Variants in VAV2 observed in about 807,000 individuals in gnomAD.
The protein encoded by VAV2 is vav guanine nucleotide exchange factor 2.
A neutral mutation model predicts 132.5 loss-of-function variants in VAV2; 67 were observed. That is an observed-to-expected ratio of 0.51 (90% CI 0.42 to 0.62). VAV2 has a LOEUF of 0.62. Ranked by LOEUF, VAV2 falls within the 20% of genes least tolerant of loss-of-function variation. The probability of loss-of-function intolerance (pLI) is 0.00; values close to 1 mark genes in which losing one functional copy is unlikely to be tolerated. For missense variants in VAV2, 938 were observed against 1,153.6 expected, an observed-to-expected ratio of 0.81 and a Z score of 2.71; for synonymous variants, 492 against 443.5, an observed-to-expected ratio of 1.11 and a Z score of -1.37.
intron 3 of VAV2, among the ~76,000 whole-genome samples, chr9:133,848,237 G>C (rs1432407833): frequency 5.2e-5 from 7 of 133,774 alleles, no homozygotes; most frequent in Admixed American, 4.4e-4. Flanking sequence ...CCGAGATCGC[G>C]CCATTGCACT....
At chr9:133,904,134 A>G (rs1839548865) in intron 2 of VAV2, among the ~76,000 whole-genome samples, 1 of 152,192 alleles carries the variant, frequency 6.6e-6, no homozygotes, top group African/African-American at 2.4e-5. Context: ...ATCACAGATG[A>G]GCGAATGGGG....
At chr9:133,913,249 C>T (rs568346700) in intron 2 of VAV2, among the ~76,000 whole-genome samples, 13 of 152,328 alleles carry the variant, frequency 8.5e-5, no homozygotes, top group Middle Eastern at 3.4e-3. Flanking sequence ...GCTGGCGCCA[C>T]GGCCCCCATG....
At chr9:133,780,140 C>G (rs1833957371) in intron 20 of VAV2, 3 of 654,440 alleles carry the variant, frequency 4.6e-6, no homozygotes, top group Non-Finnish European at 5.1e-6. Context: ...CACCTCCACT[C>G]CTGGAAGGTC....
chr9:133,924,881 A>C (rs982018060), intron 2 of VAV2, among the ~76,000 whole-genome samples: 1 of 152,260 alleles, frequency 6.6e-6, no homozygotes, highest in African/African-American at 2.4e-5. Context: ...AATATGATTC[A>C]GTCACAAAAA....
chr9:133,817,355 G>C (rs1322090461), intron 4 of VAV2, among the ~76,000 whole-genome samples: 1 of 152,196 alleles, frequency 6.6e-6, no homozygotes, highest in Non-Finnish European at 1.5e-5. Context: ...CCTGTTATTT[G>C]AAGTGTGTAA....
Position 133,885,500 on chromosome 9 carries a change from C to A in VAV2, c.322-24068G>T, listed in dbSNP as rs991318113. On this transcript the variant is annotated intron_variant, in intron 2 of 29. Transcript: ENST00000371850. This position sits in a 1 kb window ranked among gnomAD's most constrained non-coding sequence, Gnocchi z 5.0. ...TGAGGGCCTGCCACTGTGGACTCTG[C>A]AAGTGTCGTATTTACTAATAATGGT... Among the ~76,000 whole-genome samples, 1 of 152,208 alleles carries A rather than the reference C, an allele frequency of 6.6e-6. No homozygotes were observed. Among genetic ancestry groups the A allele is most frequent in the Non-Finnish European group, 1.5e-5 (1 of 68,032 alleles).
rs1837698971 is a variant in VAV2 at position 133,863,963 on chromosome 9, G to A, written c.322-2531C>T. Among the ~76,000 whole-genome samples the A allele has an allele frequency of 1.3e-5, 2 of 152,154 alleles. No homozygotes were observed. The highest frequency in any genetic ancestry group is 2.9e-5 in the Non-Finnish European group (2 of 68,022). ...AGGGATGCCCTACAGTAGCTCCCCA[G>A]GGCACCTCTGGCTGTGCCCACCCCA... On this transcript the variant is annotated intron_variant, in intron 2 of 29. Transcript: ENST00000371850. This position sits in a 1 kb window ranked among gnomAD's most constrained non-coding sequence, Gnocchi z 5.0.
intron 2 of VAV2, among the ~76,000 whole-genome samples, chr9:133,900,028 AT>A (rs202131750): frequency 0.051 from 5,677 of 111,602 alleles, 375 homozygotes; most frequent in South Asian, 0.086. Context: ...CTCAAAAAAA[AT>A]AAATAAATAA....
intron 8 of VAV2, 150 bp downstream of exon 8, chr9:133,807,108 C>G: frequency 2.4e-6 from 2 of 833,950 alleles, no homozygotes; most frequent in Non-Finnish European, 3.6e-6. Context: ...CTGGAGAGAG[C>G]GGTGGGGGCT....
intron 2 of VAV2, among the ~76,000 whole-genome samples, chr9:133,903,749 CA>C (rs1205347026): frequency 2.0e-5 from 3 of 152,116 alleles, no homozygotes; most frequent in Non-Finnish European, 4.4e-5. Context: ...AAATTCTCAA[CA>C]GGGGGATGCT....
rs115515714 is a variant in VAV2 at position 133,872,827 on chromosome 9, A to G, written c.322-11395T>C. On this transcript the variant is annotated intron_variant, in intron 2 of 29. Transcript: ENST00000371850. The stretch of plus-strand genomic sequence containing the variant: ...GAAGCGGGGCAGATGGGTGGACAGA[A>G]AAGCACACAAGGGGGTGGCTCACGC... Among the ~76,000 whole-genome samples the G allele has an allele frequency of 7.7e-3, 1,163 of 152,004 alleles. 16 individuals carry two copies. The highest frequency in any genetic ancestry group is 0.026 in the African/African-American group (1,095 of 41,404).
rs947422960 is a variant in VAV2, at chr9:133,780,682, C to T, written c.1740+12G>A. 1.4e-5 allele frequency: 18 copies of T among 1,282,128 alleles called. No homozygotes were observed. In the African/African-American group the frequency reaches 2.8e-4, roughly 20 times the overall value. 79.4% of individuals were successfully genotyped at this position (1,282,128 alleles called of 1,614,324 possible). A position where few individuals can be genotyped will look rare whatever the true frequency, so the allele number is the denominator to read the frequency against. On this transcript the variant is annotated intron_variant, in intron 20 of 29. Transcript: ENST00000371850. ...GTGGGGCAGAGGGAGGGGAAACACT[C>T]TGGGGACTTACCAGATCTGCAGGAG...
chr9:133,763,876 G>T lies in VAV2; in HGVS notation c.*186C>A. On this transcript the variant is annotated 3_prime_UTR_variant, in exon 30 of 30. Transcript: ENST00000371850. The surrounding 1 kb of genome is among the most constrained non-coding windows in gnomAD (Gnocchi z 6.8). ...ACAATAGCATACCCAGTGATGGGTC[G>T]CCGAGGGCAGGCTGACAGTGAAACG... is the stretch of plus-strand genomic sequence containing the variant. 1 of 687,596 alleles carries T rather than the reference G, an allele frequency of 1.5e-6. No homozygotes were observed. The highest frequency in any genetic ancestry group is 1.8e-5 in the South Asian group (1 of 56,038). 42.6% of individuals were successfully genotyped at this position (687,596 alleles called of 1,614,324 possible).
intron 15 of VAV2, among the ~76,000 whole-genome samples, chr9:133,787,530 C>T (rs1189117392): frequency 6.6e-6 from 1 of 152,192 alleles, no homozygotes. Flanking sequence ...CCAGTCTGCA[C>T]TTGCTGGGTC....
Position 133,834,461 on chromosome 9 carries a change from C to CTTCCAGAGAGTGGACAAG in VAV2, c.381-122_381-121insCTTGTCCACTCTCTGGAA. 1.0e-6 allele frequency: 1 copy of CTTCCAGAGAGTGGACAAG among 1,002,318 alleles called. No individual in the cohort carries two copies. The highest frequency in any genetic ancestry group is 1.5e-6 in the Non-Finnish European group (1 of 677,884). 62.1% of individuals were successfully genotyped at this position (1,002,318 alleles called of 1,614,324 possible). A position where few individuals can be genotyped will look rare whatever the true frequency, so the allele number is the denominator to read the frequency against. The stretch of plus-strand genomic sequence containing the variant: ...AGCCAGGAGCAAAGGGGCTCTTGTC[C>CTTCCAGAGAGTGGACAAG]ACTCTCTGGAAGGACACAGGGTGCG... On this transcript the variant is annotated intron_variant, in intron 3 of 29. Coordinates refer to ENST00000371850, the MANE Select transcript of VAV2 (RefSeq NM_001134398.2). This position sits in a 1 kb window ranked among gnomAD's most constrained non-coding sequence, Gnocchi z 5.9.
intron 4 of VAV2, among the ~76,000 whole-genome samples, chr9:133,831,437 AAAAAAAGAAAAAAAAAAAAT>A (rs529804402): frequency 7.6e-4 from 113 of 149,370 alleles, no homozygotes; most frequent in African/African-American, 2.8e-3. Flanking sequence ...ACTCCATCTC[AAAAAAAGAAAAAAAAAAAAT>A]GAAAAAGAAA....
chr9:133,795,071 ACAGCTGCGACAT>A (rs1234780658), intron 12 of VAV2, among the ~76,000 whole-genome samples: 7 of 152,238 alleles, frequency 4.6e-5, no homozygotes, highest in African/African-American at 1.7e-4. Flanking sequence ...TGTGCTGAAC[ACAGCTGCGACAT>A]CAGGGGCAAG....
intron 13 of VAV2, among the ~76,000 whole-genome samples, chr9:133,790,923 T>C (rs1040659724): frequency 1.3e-5 from 2 of 152,148 alleles, no homozygotes; most frequent in African/African-American, 2.4e-5. Flanking sequence ...AGGGGTAATT[T>C]TGCCACCCAA....
At chr9:133,881,362 G>C (rs562408719) in intron 2 of VAV2, among the ~76,000 whole-genome samples, 7 of 152,356 alleles carry the variant, frequency 4.6e-5, no homozygotes, top group African/African-American at 1.7e-4. Flanking sequence ...GACGGGGCTT[G>C]TGAACAGGAC....
Sources: gnomAD v4.1 joint callset for allele counts (sites outside exome capture counted in the v4.1 genomes callset) on GRCh38, gnomAD v4.1.1 for gene constraint, Gnocchi (gnomAD v3.1) non-coding constraint, MANE v1.5 for transcripts, NCBI Gene and HGNC (gene_info 2026-07-23, HGNC 2026-07-21) for gene names.